Variants in CTNND2 observed in about 807,000 individuals in gnomAD.
CTNND2 encodes the protein catenin delta 2.
In CTNND2, 22 loss-of-function variants were observed where a neutral mutation model predicts 144.4. That is an observed-to-expected ratio of 0.15 (90% confidence interval 0.11 to 0.22). The LOEUF (loss-of-function observed/expected upper bound fraction) is 0.22. Ranked by LOEUF, CTNND2 falls within the 10% of genes least tolerant of loss-of-function variation. The pLI, the probability that CTNND2 is intolerant of heterozygous loss-of-function variation, is 1.00. For synonymous variants in CTNND2, 751 were observed against 695.6 expected (o/e 1.08, Z -1.25); for missense variants, 1,353 against 1,618.8 (o/e 0.84, Z 2.82).
At chr5:11,153,208 G>C (rs537897492) in intron 12 of CTNND2, among the ~76,000 whole-genome samples, 17 of 152,176 alleles carry the variant, frequency 1.1e-4, no homozygotes, top group Admixed American at 3.3e-4. Flanking sequence ...GTTGCAGTGA[G>C]CCGAGATCAT....
chr5:11,170,420 T>A (rs1759781868), intron 11 of CTNND2, among the ~76,000 whole-genome samples: 1 of 152,242 alleles, frequency 6.6e-6, no homozygotes, highest in Non-Finnish European at 1.5e-5. Context: ...TATGTATGTA[T>A]CTTCATACAA....
chr5:11,277,511 T>TG (rs1746660204), intron 9 of CTNND2, among the ~76,000 whole-genome samples: 1 of 91,250 alleles, frequency 1.1e-5, no homozygotes, highest in Non-Finnish European at 2.5e-5. Context: ...TATTTATTTA[T>TG]TTATTTATTT....
chr5:11,516,162 A>G (rs189175222), intron 3 of CTNND2, among the ~76,000 whole-genome samples: 1 of 152,232 alleles, frequency 6.6e-6, no homozygotes, highest in Admixed American at 6.5e-5. Flanking sequence ...AATATGAAAT[A>G]GGGCAAAGAG....
At chr5:11,723,860 T>C (rs1220540713) in intron 2 of CTNND2, among the ~76,000 whole-genome samples, 1 of 151,830 alleles carries the variant, frequency 6.6e-6, no homozygotes, top group African/African-American at 2.4e-5. Context: ...ATCGAGACAT[T>C]CCTGGCTAGC....
chr5:11,457,485 A>G (rs1272833816), intron 3 of CTNND2, among the ~76,000 whole-genome samples: 1 of 152,186 alleles, frequency 6.6e-6, no homozygotes, highest in Non-Finnish European at 1.5e-5. Context: ...TATTTTTAAG[A>G]CAATAAGAAA....
intron 14 of CTNND2, among the ~76,000 whole-genome samples, chr5:11,101,885 A>ATGTGTGTG (rs1491537465): frequency 3.3e-5 from 3 of 89,580 alleles, no homozygotes; most frequent in Admixed American, 9.7e-5. Flanking sequence ...TGACGACCAC[A>ATGTGTGTG]TATGTGTGTG....
chr5:11,206,030 G>A (rs756662851), intron 10 of CTNND2, among the ~76,000 whole-genome samples: 5 of 152,162 alleles, frequency 3.3e-5, no homozygotes, highest in African/African-American at 1.2e-4. Flanking sequence ...GTTTAACAAA[G>A]TACTCAGTAA....
At chr5:10,979,708 A>T (rs567547376) in intron 21 of CTNND2, among the ~76,000 whole-genome samples, 1 of 152,350 alleles carries the variant, frequency 6.6e-6, no homozygotes, top group East Asian at 1.9e-4. Context: ...GTTCAGATAT[A>T]TAGACTAAAG....
intron 2 of CTNND2, among the ~76,000 whole-genome samples, chr5:11,588,331 C>T (rs1055311592): frequency 1.3e-5 from 2 of 151,238 alleles, no homozygotes; most frequent in Non-Finnish European, 2.9e-5. Flanking sequence ...AAAAAAAAGA[C>T]CTACAATTTC....
intron 16 of CTNND2, among the ~76,000 whole-genome samples, chr5:11,033,155 T>C (rs1261962745): frequency 1.3e-5 from 2 of 152,322 alleles, no homozygotes; most frequent in East Asian, 1.9e-4. Flanking sequence ...TATAGAAATA[T>C]GCCAATAAAC....
chr5:11,273,465 T>G (rs978803208), intron 9 of CTNND2, among the ~76,000 whole-genome samples: 6 of 152,190 alleles, frequency 3.9e-5, no homozygotes, highest in Non-Finnish European at 8.8e-5. Flanking sequence ...GTCCCTCTCT[T>G]CAGTCAAGGA....
chr5:11,740,596 A>C (rs1787945723), intron 1 of CTNND2, among the ~76,000 whole-genome samples: 1 of 152,212 alleles, frequency 6.6e-6, no homozygotes, highest in African/African-American at 2.4e-5. Context: ...CCTAGAAGAA[A>C]ACCTAGGCAA....
chr5:11,814,627 G>T (rs532548437), intron 1 of CTNND2, among the ~76,000 whole-genome samples: 5 of 152,200 alleles, frequency 3.3e-5, no homozygotes, highest in Middle Eastern at 3.2e-3. Context: ...GTTGGTTAAC[G>T]CTAAGCTACT....
At chr5:11,780,749 G>A (rs1395808196) in intron 1 of CTNND2, among the ~76,000 whole-genome samples, 1 of 152,170 alleles carries the variant, frequency 6.6e-6, no homozygotes, top group Non-Finnish European at 1.5e-5. Context: ...TAGAGTAATA[G>A]AGGTGACACA....
intron 12 of CTNND2, among the ~76,000 whole-genome samples, chr5:11,154,334 C>T (rs1381857297): frequency 1.3e-5 from 2 of 152,176 alleles, no homozygotes; most frequent in African/African-American, 4.8e-5. Context: ...CATTTCATGG[C>T]CATCCAGTCA....
intron 3 of CTNND2, among the ~76,000 whole-genome samples, chr5:11,429,834 A>G (rs1763116485): frequency 6.6e-6 from 1 of 152,186 alleles, no homozygotes; most frequent in African/African-American, 2.4e-5. Flanking sequence ...AACCTAGGGG[A>G]AAACTGCAAC....
At chr5:11,388,955 A>T (rs1759363307) in intron 6 of CTNND2, among the ~76,000 whole-genome samples, 1 of 152,248 alleles carries the variant, frequency 6.6e-6, no homozygotes, top group Non-Finnish European at 1.5e-5. Flanking sequence ...AGATTACTAC[A>T]TACTGCTTCC....
chr5:11,666,929 CCT>C (rs961741361), intron 2 of CTNND2, among the ~76,000 whole-genome samples: 11 of 152,106 alleles, frequency 7.2e-5, no homozygotes, highest in East Asian at 5.8e-4. Flanking sequence ...GCCCCCACCC[CCT>C]GACAGGCCCC....
chr5:11,370,813 T>C (rs1757402136), intron 7 of CTNND2, among the ~76,000 whole-genome samples: 1 of 152,356 alleles, frequency 6.6e-6, no homozygotes, highest in Admixed American at 6.5e-5. Context: ...AGGGTCTAAA[T>C]GACATAGTAT....
Sources: gnomAD v4.1 joint callset for allele counts (sites outside exome capture counted in the v4.1 genomes callset) on GRCh38, gnomAD v4.1.1 for gene constraint, MANE v1.5 for transcripts, NCBI Gene and HGNC (gene_info 2026-07-23, HGNC 2026-07-21) for gene names.